RPTOR: variants seen among roughly 807,000 people sequenced by gnomAD.
The protein encoded by RPTOR is regulatory-associated protein of mTOR.
Under a neutral mutation model 169.9 loss-of-function variants are expected in RPTOR, and 21 were observed. The observed-to-expected ratio is 0.12, with a 90% CI of 0.09 to 0.18. The LOEUF (loss-of-function observed/expected upper bound fraction) is 0.18, where lower values mean the gene tolerates loss of function less well. RPTOR is among the 10% of genes least tolerant of loss of function. RPTOR has a pLI of 1.00. For missense variants in RPTOR, 1,133 were observed against 1,855.9 expected (o/e 0.61, Z 7.16); for synonymous variants, 732 against 753.2 (o/e 0.97, Z 0.46).
At chr17:80,572,498 T>A (rs2064917786) in intron 1 of RPTOR, among the ~76,000 whole-genome samples, 1 of 152,172 alleles carries the variant, frequency 6.6e-6, no homozygotes, top group South Asian at 2.1e-4. Context: ...TTATATATTT[T>A]GAATATGTAT....
At chr17:80,953,907 AC>A (rs2069215051) in intron 28 of RPTOR, among the ~76,000 whole-genome samples, 1 of 152,212 alleles carries the variant, frequency 6.6e-6, no homozygotes, top group African/African-American at 2.4e-5. Flanking sequence ...CCTGTGATCC[AC>A]CACGGCGCTC....
intron 5 of RPTOR, among the ~76,000 whole-genome samples, chr17:80,736,232 C>G (rs2066432354): frequency 6.6e-6 from 1 of 152,132 alleles, no homozygotes; most frequent in Admixed American, 6.5e-5. Context: ...CACTATTCCC[C>G]CGCACTCTGC....
At chr17:80,898,691 G>A (rs1428256978) in intron 20 of RPTOR, among the ~76,000 whole-genome samples, 24 of 26,712 alleles carry the variant, frequency 9.0e-4, no homozygotes, top group African/African-American at 2.9e-3. Context: ...CCGCCGCCCC[G>A]ACTCCCCCCG....
chr17:80,697,127 G>A (rs542714606), intron 3 of RPTOR, among the ~76,000 whole-genome samples: 8 of 152,254 alleles, frequency 5.3e-5, no homozygotes, highest in Admixed American at 1.3e-4. Flanking sequence ...GCAAGGTGAG[G>A]GGTTTTACTG....
In RPTOR at chr17:80,892,750, T is replaced by C. The variant is rs1304693695; in HGVS notation, c.2123T>C (p.Val708Ala). The C allele has an allele frequency of 6.2e-7, 1 of 1,614,094 alleles. No homozygotes were observed. Among genetic ancestry groups the C allele is most frequent in the African/African-American group, 1.3e-5 (1 of 75,052 alleles). The change falls in exon 19 of 34, where the codon GTG becomes GCG. Residue 708 changes from valine to alanine, a missense_variant. Transcript: ENST00000306801. ...CCAGAGGGAGGGAGTTTGACCCCAGTGCGAGACAGCCCGTGCACCCCCAGA... is the reference window on the plus strand; with the variant it reads ...CCAGAGGGAGGGAGTTTGACCCCAGCGCGAGACAGCCCGTGCACCCCCAGA... ...ATTEGGSLTPVRDSPCTPRLR... is the reference protein window; with the variant it reads ...ATTEGGSLTPARDSPCTPRLR...
intron 4 of RPTOR, among the ~76,000 whole-genome samples, chr17:80,718,661 G>T (rs1437379451): frequency 6.6e-6 from 1 of 152,158 alleles, no homozygotes; most frequent in Admixed American, 6.5e-5. Flanking sequence ...GACTGGAGGG[G>T]ATGATCTCAG....
intron 21 of RPTOR, among the ~76,000 whole-genome samples, chr17:80,920,583 G>A (rs538483767): frequency 9.2e-5 from 14 of 152,338 alleles, no homozygotes; most frequent in African/African-American, 2.4e-4. Context: ...GGCTCCATGC[G>A]GTACTCCCAC....
At chr17:80,908,451 A>G (rs933548418) in intron 20 of RPTOR, among the ~76,000 whole-genome samples, 6 of 152,116 alleles carry the variant, frequency 3.9e-5, no homozygotes, top group African/African-American at 9.7e-5. Context: ...ACCACTACCC[A>G]TGGGCTGCGG....
In RPTOR at chr17:80,841,041, A is replaced by T. The variant is rs1286331310; in HGVS notation, c.1212+3044A>T. Reference sequence around the variant, plus strand: ...TCACTCTCTCTGCACCGCAGCTCACACTCACCGCACGGCAGCTCACATTCA... The same window carrying T: ...TCACTCTCTCTGCACCGCAGCTCACTCTCACCGCACGGCAGCTCACATTCA... On this transcript the variant is annotated intron_variant, in intron 10 of 33. Transcript: ENST00000306801. 9.3e-4 allele frequency among the ~76,000 whole-genome samples: 6 copies of T among 6,446 alleles called. 2 individuals are homozygous for T. The highest frequency in any genetic ancestry group is 8.3e-3 in the African/African-American group (4 of 480). The allele number at this position is 6,446 out of a possible 152,430, so 4.2% of individuals were successfully genotyped here.
intron 6 of RPTOR, among the ~76,000 whole-genome samples, chr17:80,783,345 A>G (rs191544228): frequency 2.0e-5 from 3 of 152,284 alleles, no homozygotes; most frequent in Admixed American, 6.5e-5. Flanking sequence ...AGTTGAGAGG[A>G]TGATAAAGTG....
intron 4 of RPTOR, among the ~76,000 whole-genome samples, chr17:80,723,770 A>T (rs1340129129): frequency 6.6e-6 from 1 of 151,408 alleles, no homozygotes; most frequent in Non-Finnish European, 1.5e-5. Flanking sequence ...TTGCGTATCT[A>T]TGTACAGGTG....
intron 1 of RPTOR, among the ~76,000 whole-genome samples, chr17:80,599,851 G>A (rs924002498): frequency 2.0e-5 from 3 of 152,240 alleles, no homozygotes; most frequent in Non-Finnish European, 4.4e-5. Context: ...AAAGAGGAAA[G>A]TATGTGTGTA....
intron 1 of RPTOR, among the ~76,000 whole-genome samples, chr17:80,619,608 C>T (rs991790716): frequency 7.2e-5 from 11 of 152,242 alleles, no homozygotes; most frequent in East Asian, 3.9e-4. Flanking sequence ...AAGCTCTGAA[C>T]GCTGGATTAT....
chr17:80,572,986 T>G (rs2064923640), intron 1 of RPTOR, among the ~76,000 whole-genome samples: 1 of 152,182 alleles, frequency 6.6e-6, no homozygotes, highest in South Asian at 2.1e-4. Flanking sequence ...TGTGTATGGT[T>G]TAAGGTGGGG....
intron 24 of RPTOR, among the ~76,000 whole-genome samples, chr17:80,927,744 G>GTGTGTCTGTA (rs1221872260): frequency 6.6e-6 from 1 of 151,222 alleles, no homozygotes; most frequent in Non-Finnish European, 1.5e-5. Context: ...GTGTGTCTGT[G>GTGTGTCTGTA]TGTGTGTGTC....
At chr17:80,905,070 G>A (rs895337159) in intron 20 of RPTOR, among the ~76,000 whole-genome samples, 14 of 152,184 alleles carry the variant, frequency 9.2e-5, no homozygotes, top group South Asian at 2.1e-4. Flanking sequence ...TAGGAAAGGC[G>A]TGACAGCTGT....
chr17:80,965,824 T>TG lies in RPTOR; in HGVS notation c.*1495dup, dbSNP rs150524445. 1,127 of 233,350 alleles carry TG rather than the reference T, an allele frequency of 4.8e-3. 9 individuals are homozygous for TG. Among genetic ancestry groups the TG allele is most frequent in the South Asian group, 0.028 (157 of 5,526 alleles). 14.5% of individuals were successfully genotyped at this position (233,350 alleles called of 1,614,324 possible). On this transcript the variant is annotated 3_prime_UTR_variant, in exon 34 of 34. Transcript: ENST00000306801. ...GGCAGGACAGAGGCGGCCCCTCCGC[T>TG]GCTCCTTTTTGGAATGCGAGCTCCC... is the stretch of plus-strand genomic sequence containing the variant.
At chr17:80,604,771 A>C (rs1383920612) in intron 1 of RPTOR, among the ~76,000 whole-genome samples, 1 of 152,100 alleles carries the variant, frequency 6.6e-6, no homozygotes, top group Admixed American at 6.5e-5. Flanking sequence ...AAAACATCAG[A>C]TCTTGTGAGA....
intron 6 of RPTOR, among the ~76,000 whole-genome samples, chr17:80,770,079 C>T (rs552048029): frequency 2.4e-4 from 36 of 152,272 alleles, no homozygotes; most frequent in African/African-American, 8.4e-4. Flanking sequence ...GTCAAGGCAT[C>T]GGTGGGTTTG....
Sources: allele counts gnomAD v4.1 joint callset (sites outside exome capture counted in the v4.1 genomes callset), GRCh38; gene constraint gnomAD v4.1.1; transcripts MANE v1.5; gene names NCBI Gene and HGNC (gene_info 2026-07-23, HGNC 2026-07-21).